The following GALK2 variants were observed in gnomAD, a reference collection of about 807,000 sequenced individuals.
The protein encoded by GALK2 is N-acetylgalactosamine kinase.
Under a neutral mutation model 52.4 loss-of-function variants are expected in GALK2, and 36 were observed. The observed-to-expected ratio is 0.69, with a 90% CI of 0.53 to 0.91. The LOEUF is 0.91. Among genes scored for constraint, GALK2 ranks in the 40% least tolerant of loss-of-function variants. The pLI, the probability that GALK2 is intolerant of heterozygous loss-of-function variation, is 0.00. For synonymous variants in GALK2, 176 were observed against 199.1 expected, an observed-to-expected ratio of 0.88 and a Z score of 0.98; for missense variants, 579 against 559.1, an observed-to-expected ratio of 1.04 and a Z score of -0.36.
chr15:49,255,987 G>C (rs79311354), intron 5 of GALK2, among the ~76,000 whole-genome samples: 25,651 of 152,008 alleles, frequency 0.17, 2,433 homozygotes, highest in Non-Finnish European at 0.21. Context: ...TGTTTGAGAT[G>C]TCTAACATAA....
chr15:49,221,292 A>G (rs1360520514), intron 3 of GALK2, among the ~76,000 whole-genome samples: 1 of 152,138 alleles, frequency 6.6e-6, no homozygotes, highest in Non-Finnish European at 1.5e-5. Flanking sequence ...TCTTCTGCAT[A>G]TGGGTATTGA....
chr15:49,296,095 C>CT (rs976435983), intron 8 of GALK2, among the ~76,000 whole-genome samples: 1 of 152,058 alleles, frequency 6.6e-6, no homozygotes, highest in African/African-American at 2.4e-5. Context: ...CATCTTATTT[C>CT]TTTTTTTCCA....
intron 8 of GALK2, among the ~76,000 whole-genome samples, chr15:49,315,549 CAG>C (rs2036333906): frequency 1.3e-5 from 2 of 152,236 alleles, no homozygotes; most frequent in Non-Finnish European, 2.9e-5. Context: ...TCAGCCAACA[CAG>C]AACTGCTTTC....
Position 49,321,808 on chromosome 15 carries a change from G to A in GALK2, c.1169+2003G>A, listed in dbSNP as rs141249319. Among the ~76,000 whole-genome samples, 288 of 152,314 alleles carry A rather than the reference G, an allele frequency of 1.9e-3. 2 individuals are homozygous for A. The highest frequency in any genetic ancestry group is 6.3e-3 in the African/African-American group (261 of 41,570). On this transcript the variant is annotated intron_variant, in intron 9 of 9. Coordinates refer to ENST00000560031, the MANE Select transcript of GALK2 (RefSeq NM_002044.4). ...GTGGGTCATACATACGTGTGTGTAC[G>A]TGTGTGTTTGTAACCTATTTTCATC...
At chr15:49,272,914 A>G (rs967557474) in intron 5 of GALK2, among the ~76,000 whole-genome samples, 2 of 152,162 alleles carry the variant, frequency 1.3e-5, no homozygotes, top group African/African-American at 4.8e-5. Context: ...AGGTTAAGGA[A>G]GTGGTCTTTG....
At chr15:49,277,938 C>T (rs2032097188) in intron 5 of GALK2, among the ~76,000 whole-genome samples, 1 of 152,074 alleles carries the variant, frequency 6.6e-6, no homozygotes, top group East Asian at 1.9e-4. Context: ...GTAGAGACTC[C>T]CTGCCCCTGT....
chr15:49,296,688 C>T (rs542468397), intron 8 of GALK2, among the ~76,000 whole-genome samples: 1 of 152,112 alleles, frequency 6.6e-6, no homozygotes, highest in Admixed American at 6.5e-5. Context: ...AAACCTCTGC[C>T]TCCCTGGTTC....
chr15:49,345,166 G>C (rs1341475302), intron 3 of GALK2, among the ~76,000 whole-genome samples: 3 of 152,058 alleles, frequency 2.0e-5, no homozygotes, highest in African/African-American at 7.2e-5. Context: ...AACAAATTTT[G>C]GATTTTCTTT....
At chr15:49,174,464 G>A (rs939213972) in intron 1 of GALK2, among the ~76,000 whole-genome samples, 2 of 152,080 alleles carry the variant, frequency 1.3e-5, no homozygotes, top group Admixed American at 6.5e-5. Context: ...TCCTGCCTCA[G>A]CCTCCCAAGT....
At chr15:49,233,530 C>T (rs11638515) in intron 3 of GALK2, among the ~76,000 whole-genome samples, 23,091 of 152,228 alleles carry the variant, frequency 0.15, 2,255 homozygotes, top group Non-Finnish European at 0.21. Context: ...CCTACCCCCT[C>T]TGTTCATATT....
At chr15:49,336,242 T>G (rs904422000), downstream of GALK2, among the ~76,000 whole-genome samples, 2 of 152,268 alleles carry the variant, frequency 1.3e-5, no homozygotes, top group Admixed American at 6.5e-5. Context: ...GTAATCAGAA[T>G]GTCCAAGTAT....
At chr15:49,180,400 A>G (rs556937552) in intron 1 of GALK2, among the ~76,000 whole-genome samples, 1 of 152,286 alleles carries the variant, frequency 6.6e-6, no homozygotes, top group South Asian at 2.1e-4. Flanking sequence ...TGGATTTGAC[A>G]TTTCAAATAT....
intron 8 of GALK2, among the ~76,000 whole-genome samples, chr15:49,310,632 G>A (rs1158398352): frequency 6.6e-6 from 1 of 152,078 alleles, no homozygotes; most frequent in Non-Finnish European, 1.5e-5. Flanking sequence ...TTTCCCTGAT[G>A]ATTAGTGATG....
intron 1 of GALK2, among the ~76,000 whole-genome samples, chr15:49,179,926 G>C (rs1158037514): frequency 6.6e-6 from 1 of 151,976 alleles, no homozygotes; most frequent in East Asian, 1.9e-4. Flanking sequence ...AGAGGGTTAG[G>C]TATGAAGTTT....
rs900371235 is a variant in GALK2 at position 49,179,327 on chromosome 15, A to G, written c.53+8952A>G. ...AAAATTGAGGCATGGAGCAACTCATACAAATTAACATAAAAATTCATGTTA... is the reference window on the plus strand; with the variant it reads ...AAAATTGAGGCATGGAGCAACTCATGCAAATTAACATAAAAATTCATGTTA... On this transcript the variant is annotated intron_variant, in intron 1 of 9. Transcript: ENST00000560031. Among the ~76,000 whole-genome samples the G allele has an allele frequency of 1.5e-4, 23 of 152,358 alleles. No individual in the cohort carries two copies. In the South Asian group the frequency reaches 1.9e-3, roughly 12 times the overall value.
intron 8 of GALK2, among the ~76,000 whole-genome samples, chr15:49,301,647 G>C (rs1448234119): frequency 2.0e-5 from 3 of 152,002 alleles, no homozygotes; most frequent in African/African-American, 7.2e-5. Context: ...AAAAAAAAAA[G>C]GAATTTGTTG....
chr15:49,228,608 T>G (rs1318999074), intron 3 of GALK2, among the ~76,000 whole-genome samples: 1 of 141,538 alleles, frequency 7.1e-6, no homozygotes, highest in African/African-American at 2.6e-5. Context: ...CTTTTTCATA[T>G]TCTAGAATTT....
intron 3 of GALK2, among the ~76,000 whole-genome samples, chr15:49,354,941 C>G (rs1006424975): frequency 3.3e-5 from 5 of 151,762 alleles, no homozygotes; most frequent in Admixed American, 2.7e-4. Context: ...CCCTGACCCT[C>G]GAGCAGCCTA....
At chr15:49,238,556 C>T (rs2090944910) in intron 4 of GALK2, among the ~76,000 whole-genome samples, 1 of 152,188 alleles carries the variant, frequency 6.6e-6, no homozygotes, top group Non-Finnish European at 1.5e-5. Context: ...TTTGCTGGCT[C>T]AGGTTTCTAA....
Sources: gnomAD v4.1 joint callset for allele counts (sites outside exome capture counted in the v4.1 genomes callset) on GRCh38, gnomAD v4.1.1 for gene constraint, MANE v1.5 for transcripts, NCBI Gene and HGNC (gene_info 2026-07-23, HGNC 2026-07-21) for gene names.